Variants in CDC42 observed in about 807,000 individuals in gnomAD.
CDC42 encodes cell division control protein 42 homolog.
Under a neutral mutation model 20.8 loss-of-function variants are expected in CDC42, and 1 was observed. That is an observed-to-expected ratio of 0.05 (90% confidence interval 0.02 to 0.23). CDC42 has a LOEUF of 0.23. Ranked by LOEUF, CDC42 falls within the 10% of genes least tolerant of loss-of-function variation. The pLI is 1.00. For missense variants in CDC42, 49 were observed against 227.9 expected, an observed-to-expected ratio of 0.21 and a Z score of 5.05; for synonymous variants, 72 against 84.8, an observed-to-expected ratio of 0.85 and a Z score of 0.83.
chr1:22,071,939 T>G (rs1363157931), intron 1 of CDC42, among the ~76,000 whole-genome samples: 2 of 152,156 alleles, frequency 1.3e-5, no homozygotes, highest in African/African-American at 4.8e-5. Flanking sequence ...CTTGGAAGAC[T>G]GCCCTCACTT....
At chr1:22,084,898 T>G (rs1011932773) in intron 3 of CDC42, among the ~76,000 whole-genome samples, 2 of 151,998 alleles carry the variant, frequency 1.3e-5, no homozygotes, top group African/African-American at 2.4e-5. Context: ...TATTGAAGAG[T>G]CCTTTTACCA....
chr1:22,060,157 C>G (rs1277280964), intron 1 of CDC42, among the ~76,000 whole-genome samples: 1 of 151,926 alleles, frequency 6.6e-6, no homozygotes, highest in African/African-American at 2.4e-5. Flanking sequence ...ACCTGGCCAA[C>G]ATGGTGAAAC....
In CDC42 at chr1:22,086,706, C is replaced by G; in HGVS notation, c.326C>G (p.Pro109Arg). 1 of 1,614,046 alleles carries G rather than the reference C, an allele frequency of 6.2e-7. No individual in the cohort carries two copies. Among genetic ancestry groups the G allele is most frequent in the Non-Finnish European group, 8.5e-7 (1 of 1,179,960 alleles). The change falls in exon 5 of 6, where the codon CCT (proline) becomes CGT (arginine). Residue 109 changes from proline (P) to arginine (R), a missense_variant. Physicochemically the swap from Pro to Arg is moderately radical, Grantham distance 103. Around this residue, in one of 2 missense-constraint regions of CDC42, gnomAD observed 38 missense variants for 106.6 expected, o/e 0.36. Coordinates refer to ENST00000656825, the MANE Select transcript of CDC42 (RefSeq NM_001791.4). Reference sequence around the variant, plus strand: ...ATAACTCACCACTGTCCAAAGACTCCTTTCTTGCTTGTTGGGACTCAAATT... The same window carrying G: ...ATAACTCACCACTGTCCAAAGACTCGTTTCTTGCTTGTTGGGACTCAAATT... ...PEITHHCPKT[P>R]FLLVGTQIDL...
rs945267256 is a variant in CDC42 at position 22,062,741 on chromosome 1, A to T, written c.-51+9999A>T. Among the ~76,000 whole-genome samples, 189 of 69,232 alleles carry T rather than the reference A, an allele frequency of 2.7e-3. 6 individuals carry two copies. In the East Asian group the frequency reaches 0.12, roughly 45 times the overall value. 45.4% of individuals were successfully genotyped at this position (69,232 alleles called of 152,430 possible). ...ACCGTGGCTCTATTTAAAAAAAAAA[A>T]AAAAAAAAAAAAAAAAAAAAAAAAG... On this transcript the variant is annotated intron_variant, in intron 1 of 5. Coordinates refer to ENST00000656825, the MANE Select transcript of CDC42 (RefSeq NM_001791.4).
At position 22,055,865 on chromosome 1, in the gene CDC42, G is replaced by C. The variant is rs1226538898; in HGVS notation, c.-51+3123G>C. Among the ~76,000 whole-genome samples, 8 of 111,762 alleles carry C rather than the reference G, an allele frequency of 7.2e-5. No individual in the cohort carries two copies. In the South Asian group the frequency reaches 2.2e-3, roughly 31 times the overall value. 73.3% of individuals were successfully genotyped at this position (111,762 alleles called of 152,430 possible). On this transcript the variant is annotated intron_variant, in intron 1 of 5. Coordinates refer to ENST00000656825, the MANE Select transcript of CDC42 (RefSeq NM_001791.4). ...TTAAATGCACTTCTCTATTGTTTTA[G>C]AGTTTTTTTTTTTTTTTTTTTGAGA...
rs540264665 is a variant in CDC42 at position 22,100,143 on chromosome 1, C to G, written c.*8626C>G. ...GTCTGAGGGAGGCTTGGAGCCAGCT[C>G]TGCAACCTGGCTCCCTTCTTTCATT... is the stretch of plus-strand genomic sequence containing the variant. On this transcript the variant is annotated 3_prime_UTR_variant, in exon 6 of 6. Coordinates refer to ENST00000656825, the MANE Select transcript of CDC42 (RefSeq NM_001791.4). Among the ~76,000 whole-genome samples the G allele has an allele frequency of 1.3e-5, 2 of 151,324 alleles. No homozygotes were observed. The highest frequency in any genetic ancestry group is 2.4e-5 in the African/African-American group (1 of 41,256).
chr1:22,080,842 G>A (rs1307470571), intron 2 of CDC42, among the ~76,000 whole-genome samples: 2 of 152,172 alleles, frequency 1.3e-5, no homozygotes, highest in Admixed American at 6.5e-5. Context: ...CTTAGATCAT[G>A]CAGTTTGTGC....
At position 22,094,053 on chromosome 1, in the gene CDC42, G is replaced by T. The variant is rs925986718; in HGVS notation, c.*2536G>T. Among the ~76,000 whole-genome samples the T allele has an allele frequency of 3.9e-5, 6 of 152,122 alleles. No homozygotes were observed. The highest frequency in any genetic ancestry group is 1.2e-4 in the African/African-American group (5 of 41,412). ...TCTGCATGTCAGAAGAACTTGGGTA[G>T]CAAGTGGATGCAGCTTAGGTTTTCC... On this transcript the variant is annotated 3_prime_UTR_variant, in exon 6 of 6. Transcript: ENST00000656825.
chr1:22,055,806 A>G (rs1028656558), intron 1 of CDC42, among the ~76,000 whole-genome samples: 3 of 151,818 alleles, frequency 2.0e-5, no homozygotes, highest in Admixed American at 2.0e-4. Flanking sequence ...CTTGGAAGTA[A>G]AAGACTAGTT....
chr1:22,090,913 G>A (rs1645709442), intron 5 of CDC42: 1 of 470,258 alleles, frequency 2.1e-6, no homozygotes, highest in Non-Finnish European at 2.8e-6. Context: ...CTGTCTAACT[G>A]GTGGGATAAA....
At chr1:22,052,930 G>C (rs895465228) in intron 1 of CDC42, 188 bp downstream of exon 1, 1 of 152,064 alleles carries the variant, frequency 6.6e-6, no homozygotes, top group Non-Finnish European at 1.5e-5. Flanking sequence ...CGCGTTCTGT[G>C]GGGGAGCCGG....
intron 1 of CDC42, among the ~76,000 whole-genome samples, chr1:22,074,586 T>A (rs1403764139): frequency 6.6e-6 from 1 of 151,798 alleles, no homozygotes; most frequent in Admixed American, 6.6e-5. Flanking sequence ...GAAAAAAAAT[T>A]AAGAAAAAAA....
In CDC42 at chr1:22,095,082, G is replaced by C. The variant is rs1645747261; in HGVS notation, c.*3565G>C. On this transcript the variant is annotated 3_prime_UTR_variant, in exon 6 of 6. Transcript: ENST00000656825. The stretch of plus-strand genomic sequence containing the variant: ...GGGGCAAGGGACAACATTTCACCAG[G>C]AAGTAGCAACTCCATCATCTTTCAG... 6.6e-6 allele frequency among the ~76,000 whole-genome samples: 1 copy of C among 152,112 alleles called. No homozygotes were observed.
rs1231571237 is a variant in CDC42, at chr1:22,099,807, CTT to C, written c.*8293_*8294del. Among the ~76,000 whole-genome samples the C allele has an allele frequency of 6.6e-6, 1 of 152,090 alleles. No individual in the cohort carries two copies. The highest frequency in any genetic ancestry group is 1.5e-5 in the Non-Finnish European group (1 of 68,022). On this transcript the variant is annotated 3_prime_UTR_variant, in exon 6 of 6. Coordinates refer to ENST00000656825, the MANE Select transcript of CDC42 (RefSeq NM_001791.4). Reference sequence around the variant, plus strand: ...GAGTGTTTATTCTCTACATGGCACTCTTTTAAGCCTTTGTGTGAATTAACTCA... The same window carrying C: ...GAGTGTTTATTCTCTACATGGCACTCTTAAGCCTTTGTGTGAATTAACTCA...
intron 5 of CDC42, among the ~76,000 whole-genome samples, chr1:22,087,181 T>C (rs926388880): frequency 1.4e-5 from 2 of 146,620 alleles, no homozygotes; most frequent in Non-Finnish European, 1.5e-5. Flanking sequence ...ATGTGAATGA[T>C]TTTTTTTTTT....
intron 1 of CDC42, among the ~76,000 whole-genome samples, chr1:22,060,627 G>T (rs1645352661): frequency 6.6e-6 from 1 of 150,484 alleles, no homozygotes; most frequent in South Asian, 2.1e-4. Flanking sequence ...AGCAGATGAA[G>T]AGGAGTGGGA....
At chr1:22,079,259 C>A (rs1193814538) in intron 2 of CDC42, among the ~76,000 whole-genome samples, 1 of 151,748 alleles carries the variant, frequency 6.6e-6, no homozygotes, top group East Asian at 1.9e-4. Context: ...CTGCCTCAGC[C>A]TCCTGAGTAG....
chr1:22,054,883 G>T (rs1199097939), intron 1 of CDC42, among the ~76,000 whole-genome samples: 2 of 87,400 alleles, frequency 2.3e-5, no homozygotes, highest in South Asian at 4.7e-4. Flanking sequence ...ACAGTAGTTT[G>T]AATTTATGTA....
At chr1:22,060,031 C>T (rs755009815) in intron 1 of CDC42, among the ~76,000 whole-genome samples, 9 of 152,168 alleles carry the variant, frequency 5.9e-5, no homozygotes, top group East Asian at 1.9e-4. Context: ...AAGCCATCTA[C>T]GTCCTTTTCA....
Sources: gnomAD v4.1 joint callset for allele counts (sites outside exome capture counted in the v4.1 genomes callset) on GRCh38, gnomAD v4.1.1 for gene constraint, gnomAD v4.1.1 regional missense constraint, MANE v1.5 for transcripts, NCBI Gene and HGNC (gene_info 2026-07-23, HGNC 2026-07-21) for gene names.